Variants in ODR4 observed in about 807,000 individuals in gnomAD.
ODR4 encodes odr-4 GPCR localization factor homolog.
In ODR4, 47 loss-of-function variants were observed where a neutral mutation model predicts 60.2. That is an observed-to-expected ratio of 0.78 (90% confidence interval 0.62 to 1.00). The LOEUF (loss-of-function observed/expected upper bound fraction) is 1.00. Ranked by LOEUF, ODR4 falls within the 50% of genes least tolerant of loss-of-function variation. ODR4 has a pLI of 0.00. For synonymous variants in ODR4, 178 were observed against 175.5 expected, an observed-to-expected ratio of 1.01 and a Z score of -0.11; for missense variants, 488 against 530.8, an observed-to-expected ratio of 0.92 and a Z score of 0.79.
At chr1:186,381,570 G>T (rs979273742) in intron 2 of ODR4, among the ~76,000 whole-genome samples, 4 of 151,972 alleles carry the variant, frequency 2.6e-5, no homozygotes, top group African/African-American at 9.7e-5. Context: ...CTCGTGATCC[G>T]CCTGCCTCGG....
intron 9 of ODR4, among the ~76,000 whole-genome samples, chr1:186,397,560 G>A (rs939914200): frequency 2.6e-5 from 4 of 152,090 alleles, no homozygotes; most frequent in Admixed American, 2.6e-4. Flanking sequence ...TACCAGTTGA[G>A]CATCTCTAAG....
intron 3 of ODR4, among the ~76,000 whole-genome samples, chr1:186,384,604 C>CACACAG (rs1660181514): frequency 6.6e-6 from 1 of 151,210 alleles, no homozygotes; most frequent in East Asian, 1.9e-4. Context: ...CACACACACA[C>CACACAG]AGAATATTAA....
rs770778988 is a variant in ODR4 at position 186,383,009 on chromosome 1, TTTG to T, written c.100-6_100-4del. Reference sequence around the variant, plus strand: ...GATATCACTCTAACAAGCTTTTTAATTTGTTGTTGAAGTGTTCGTCACAAAAGG... The same window carrying T: ...GATATCACTCTAACAAGCTTTTTAATTTGTTGAAGTGTTCGTCACAAAAGG... On this transcript the variant is annotated splice_polypyrimidine_tract_variant and intron_variant, in intron 2 of 13. Transcript: ENST00000287859. 2 of 1,574,788 alleles carry T rather than the reference TTTG, an allele frequency of 1.3e-6. No homozygotes were observed. The highest frequency in any genetic ancestry group is 2.4e-5 in the South Asian group (2 of 84,606).
intron 11 of ODR4, among the ~76,000 whole-genome samples, chr1:186,400,060 C>T (rs1378012006): frequency 1.4e-5 from 2 of 138,164 alleles, no homozygotes; most frequent in South Asian, 2.3e-4. Context: ...GGCGCGATCT[C>T]GACTCACTGC....
At chr1:186,424,638 T>C (rs1661854319), downstream of ODR4, among the ~76,000 whole-genome samples, 4 of 151,974 alleles carry the variant, frequency 2.6e-5, no homozygotes, top group South Asian at 8.3e-4. Context: ...ATGGTGACTT[T>C]AGCTGCAGTT....
chr1:186,411,412 T>C (rs1043168610), intron 12 of ODR4, among the ~76,000 whole-genome samples: 3 of 152,204 alleles, frequency 2.0e-5, no homozygotes, highest in African/African-American at 4.8e-5. Context: ...GAAAGTTTCA[T>C]AGTTTTGAAT....
At chr1:186,434,379 T>C in the ODR4 span, among the ~76,000 whole-genome samples, 234 of 152,320 alleles carry the variant, frequency 1.5e-3, no homozygotes, top group Non-Finnish European at 2.5e-3. Context: ...CTCATAACTG[T>C]TAAATTGAAA....
intron 13 of ODR4, among the ~76,000 whole-genome samples, chr1:186,418,606 T>A (rs1661674045): frequency 6.6e-6 from 1 of 152,220 alleles, no homozygotes; most frequent in African/African-American, 2.4e-5. Flanking sequence ...CTACACAAGT[T>A]ACACAGGTGG....
At chr1:186,381,332 C>CTTTTTTTTTTTTTTTTTTTT (rs752239468) in intron 2 of ODR4, among the ~76,000 whole-genome samples, 1 of 144,600 alleles carries the variant, frequency 6.9e-6, no homozygotes, top group African/African-American at 2.5e-5. Context: ...GGCCTTCCTT[C>CTTTTTTTTTTTTTTTTTTTT]TTTTTTTTTT....
At chr1:186,400,692 A>G (rs1285934089) in intron 11 of ODR4, 1 of 219,620 alleles carries the variant, frequency 4.6e-6, no homozygotes, top group Non-Finnish European at 8.8e-6. Context: ...AGTTTGATGG[A>G]CTAATTATAA....
chr1:186,434,326 C>T, the ODR4 span, among the ~76,000 whole-genome samples: 1 of 152,010 alleles, frequency 6.6e-6, no homozygotes, highest in Non-Finnish European at 1.5e-5. Flanking sequence ...TTTTGAATAG[C>T]CAATACCTGG....
At position 186,419,551 on chromosome 1, in the gene ODR4, GA is replaced by G. The variant is rs750018274; in HGVS notation, c.*487del. ...ACATAATGAGATTCTGTCTCTACTG[GA>G]AAAAAAAAAAATTAGCTGGACATGG... On this transcript the variant is annotated 3_prime_UTR_variant, in exon 14 of 14. Coordinates refer to ENST00000287859, the MANE Select transcript of ODR4 (RefSeq NM_017847.6). 283 of 145,930 alleles carry G rather than the reference GA, an allele frequency of 1.9e-3. No individual in the cohort carries two copies. The highest frequency in any genetic ancestry group is 4.3e-3 in the South Asian group (20 of 4,690). 9.0% of individuals were successfully genotyped at this position (145,930 alleles called of 1,614,324 possible). A position where few individuals can be genotyped will look rare whatever the true frequency, so the allele number is the denominator to read the frequency against.
intron 11 of ODR4, chr1:186,399,260 A>G: frequency 1.8e-6 from 1 of 543,792 alleles, no homozygotes; most frequent in Non-Finnish European, 3.4e-6. Context: ...GCTGGGGTGC[A>G]GTGGCACAGT....
chr1:186,383,107 C>T lies in ODR4; in HGVS notation c.185C>T (p.Ala62Val), dbSNP rs545294944. 1.0e-5 allele frequency: 16 copies of T among 1,560,712 alleles called. No individual in the cohort carries two copies. In the South Asian group the frequency reaches 1.5e-4, roughly 15 times the overall value. ...EQSENLKHPK[A>V]KLDNLDEEWA... ...AGTGAGAACCTCAAACATCCCAAAG[C>T]TAAGTTGGATAACTTGGATGAAGAA... Residue 62 changes from alanine (A) to valine (V), a missense_variant, in exon 3 of 14, where the codon GCT (alanine) becomes GTT (valine). Transcript: ENST00000287859.
chr1:186,426,463 T>G, the ODR4 span, among the ~76,000 whole-genome samples: 3 of 152,128 alleles, frequency 2.0e-5, no homozygotes, highest in Non-Finnish European at 4.4e-5. Flanking sequence ...TTCCAAAGAG[T>G]TTGGCTTCCC....
At position 186,383,111 on chromosome 1, in the gene ODR4, G is replaced by C. The variant is rs958178003; in HGVS notation, c.189G>C (p.Lys63Asn). ...AGAACCTCAAACATCCCAAAGCTAA[G>C]TTGGATAACTTGGATGAAGAATGGG... is the stretch of plus-strand genomic sequence containing the variant. ...QSENLKHPKA[K>N]LDNLDEEWAT... Residue 63 changes from lysine to asparagine, a missense_variant, in exon 3 of 14, where the codon AAG (lysine) becomes AAC (asparagine). Physicochemically the swap from Lys to Asn is moderately conservative, Grantham distance 94. Coordinates refer to ENST00000287859, the MANE Select transcript of ODR4 (RefSeq NM_017847.6). 1.3e-6 allele frequency: 2 copies of C among 1,559,170 alleles called. No homozygotes were observed. The highest frequency in any genetic ancestry group is 2.7e-5 in the African/African-American group (2 of 73,470).
intron 11 of ODR4, among the ~76,000 whole-genome samples, chr1:186,403,066 T>G (rs1385575021): frequency 6.6e-6 from 1 of 152,160 alleles, no homozygotes; most frequent in Non-Finnish European, 1.5e-5. Flanking sequence ...TAAAATGCCT[T>G]AACTTCAATT....
chr1:186,411,015 CAA>C (rs573542063), intron 12 of ODR4, among the ~76,000 whole-genome samples: 139 of 130,180 alleles, frequency 1.1e-3, no homozygotes, highest in African/African-American at 3.6e-3. Flanking sequence ...AACTCTGTCT[CAA>C]AAAAAAAAAA....
rs1571670157 is a variant in ODR4, at chr1:186,389,627, A to G, written c.474+3A>G. The stretch of plus-strand genomic sequence containing the variant: ...CTTATGATATCCATGATCCAAAGGT[A>G]AGAAATTTACTCTTTAAAGATTTTT... On this transcript the variant is annotated splice_donor_region_variant and intron_variant, in intron 6 of 13. Coordinates refer to ENST00000287859, the MANE Select transcript of ODR4 (RefSeq NM_017847.6). The G allele has an allele frequency of 6.6e-7, 1 of 1,509,520 alleles. No individual in the cohort carries two copies. The highest frequency in any genetic ancestry group is 9.0e-7 in the Non-Finnish European group (1 of 1,114,824). 93.5% of individuals were successfully genotyped at this position (1,509,520 alleles called of 1,614,324 possible).
Sources: gnomAD v4.1 joint callset for allele counts (sites outside exome capture counted in the v4.1 genomes callset) on GRCh38, gnomAD v4.1.1 for gene constraint, MANE v1.5 for transcripts, NCBI Gene and HGNC (gene_info 2026-07-23, HGNC 2026-07-21) for gene names.